The following SH2D4A variants were observed in gnomAD, a reference collection of about 807,000 sequenced individuals.
The protein encoded by SH2D4A is SH2 domain-containing protein 4A.
SH2D4A carries 70 observed loss-of-function variants against 64.7 expected under a neutral mutation model. The ratio of observed to expected loss-of-function variants is 1.08; its 90% CI spans 0.89 to 1.32. The LOEUF (loss-of-function observed/expected upper bound fraction) is 1.32. Ranked by LOEUF, SH2D4A falls within the 40% of genes most tolerant of loss-of-function variation. The pLI is 0.00. For synonymous variants in SH2D4A, 268 were observed against 200.7 expected (o/e 1.34, Z -2.83); for missense variants, 706 against 540.1 (o/e 1.31, Z -3.04).
chr8:19,352,827 T>C (rs111298937), intron 4 of SH2D4A, among the ~76,000 whole-genome samples: 187 of 152,130 alleles, frequency 1.2e-3, no homozygotes, highest in African/African-American at 4.0e-3. Flanking sequence ...GGCAATATAG[T>C]GAGACCTTGT....
chr8:19,339,495 C>CTTTTTTTTTTTTTTT (rs5889867), intron 4 of SH2D4A, among the ~76,000 whole-genome samples: 3 of 129,026 alleles, frequency 2.3e-5, no homozygotes, highest in Non-Finnish European at 1.6e-5. Flanking sequence ...TATAAACTTT[C>CTTTTTTTTTTTTTTT]TTTTTTTTTT....
At chr8:19,324,052 T>C (rs2052233008) in intron 2 of SH2D4A, among the ~76,000 whole-genome samples, 1 of 152,240 alleles carries the variant, frequency 6.6e-6, no homozygotes, top group Admixed American at 6.5e-5. Flanking sequence ...TGTCTGAAGC[T>C]ACCTTCACTG....
chr8:19,358,214 G>A (rs774716780), intron 5 of SH2D4A, among the ~76,000 whole-genome samples: 3 of 152,146 alleles, frequency 2.0e-5, no homozygotes, highest in Non-Finnish European at 1.5e-5. Context: ...ACAAAGGATC[G>A]TATATTCATC....
intron 4 of SH2D4A, among the ~76,000 whole-genome samples, chr8:19,338,904 C>G (rs13270053): frequency 1.3e-5 from 2 of 151,948 alleles, no homozygotes; most frequent in African/African-American, 4.8e-5. Flanking sequence ...ATAGGATAGA[C>G]GTATATATGA....
chr8:19,379,473 G>A (rs543408042), intron 8 of SH2D4A, among the ~76,000 whole-genome samples: 17 of 152,314 alleles, frequency 1.1e-4, no homozygotes, highest in African/African-American at 3.8e-4. Flanking sequence ...GTGCTGCTGA[G>A]AACACAGGTG....
Position 19,393,238 on chromosome 8 carries a change from A to G in SH2D4A, c.1049-80A>G. On this transcript the variant is annotated intron_variant, in intron 8 of 9. Transcript: ENST00000265807. ...CTTATTTAGGCGTCATTGACTCTAT[A>G]TCCATGCAGCTGGATTTAACAGAGG... The G allele has an allele frequency of 3.1e-6, 4 of 1,296,746 alleles. No homozygotes were observed. In the South Asian group the frequency reaches 3.6e-5, roughly 12 times the overall value. 80.3% of individuals were successfully genotyped at this position (1,296,746 alleles called of 1,614,324 possible).
At chr8:19,382,823 CTTT>C (rs1159245319) in intron 8 of SH2D4A, among the ~76,000 whole-genome samples, 105 of 64,614 alleles carry the variant, frequency 1.6e-3, no homozygotes, top group African/African-American at 5.4e-3. Flanking sequence ...TTTTAAGATT[CTTT>C]TTTTTTTTTT....
intron 4 of SH2D4A, among the ~76,000 whole-genome samples, chr8:19,346,312 C>T (rs565893666): frequency 3.5e-4 from 53 of 152,320 alleles, no homozygotes; most frequent in African/African-American, 1.3e-3. Flanking sequence ...CAGCATTACT[C>T]CCTGGGCCCC....
At chr8:19,361,047 A>G (rs1048161276) in intron 5 of SH2D4A, 156 bp from the exon 6 acceptor site, 3 of 483,050 alleles carry the variant, frequency 6.2e-6, no homozygotes, top group African/African-American at 2.0e-5. Flanking sequence ...TACTGACTCC[A>G]AAGTCCACAC....
At chr8:19,370,372 T>A (rs183380838) in intron 7 of SH2D4A, among the ~76,000 whole-genome samples, 7 of 152,176 alleles carry the variant, frequency 4.6e-5, no homozygotes, top group Admixed American at 3.3e-4. Context: ...ATTGCAGTCT[T>A]TCTATGTAGG....
chr8:19,373,182 A>T (rs1156563574), intron 7 of SH2D4A, among the ~76,000 whole-genome samples: 1 of 151,918 alleles, frequency 6.6e-6, no homozygotes, highest in African/African-American at 2.4e-5. Context: ...AGCACAAGTG[A>T]CAGATTTATA....
At chr8:19,317,471 G>A (rs140118805) in intron 1 of SH2D4A, among the ~76,000 whole-genome samples, 41 of 147,448 alleles carry the variant, frequency 2.8e-4, no homozygotes, top group African/African-American at 9.3e-4. Flanking sequence ...GAATGCTGCC[G>A]AGATGATAGG....
intron 7 of SH2D4A, among the ~76,000 whole-genome samples, chr8:19,364,723 A>G (rs2052961379): frequency 6.6e-6 from 1 of 152,180 alleles, no homozygotes; most frequent in Admixed American, 6.5e-5. Context: ...CTTTCGTGTG[A>G]TCAGTGGGAG....
chr8:19,381,046 G>GTTTT (rs869149766), intron 8 of SH2D4A, among the ~76,000 whole-genome samples: 1 of 143,502 alleles, frequency 7.0e-6, no homozygotes, highest in Non-Finnish European at 1.5e-5. Flanking sequence ...ATGTTTTGTA[G>GTTTT]TTTTTTTTTT....
chr8:19,363,845 C>G (rs550362820), intron 6 of SH2D4A: 12 of 547,678 alleles, frequency 2.2e-5, no homozygotes, highest in African/African-American at 1.9e-4. Flanking sequence ...CCTTTTCTCT[C>G]CCTCTCAGAA....
chr8:19,336,782 G>A (rs1272958729), intron 4 of SH2D4A, among the ~76,000 whole-genome samples: 2 of 152,066 alleles, frequency 1.3e-5, no homozygotes, highest in African/African-American at 2.4e-5. Flanking sequence ...CAGGAGGATC[G>A]ATTGAGCCCA....
At chr8:19,357,308 C>A in intron 5 of SH2D4A, 25 bp downstream of exon 5, 1 of 1,531,976 alleles carries the variant, frequency 6.5e-7, no homozygotes, top group Non-Finnish European at 9.0e-7. Flanking sequence ...TTCTGTCCTC[C>A]GGGGGCTGCA....
intron 7 of SH2D4A, among the ~76,000 whole-genome samples, chr8:19,365,109 A>T (rs138715360): frequency 3.3e-5 from 5 of 152,240 alleles, no homozygotes; most frequent in Non-Finnish European, 7.3e-5. Flanking sequence ...ATAATTTGAA[A>T]TACTTCTCTA....
At chr8:19,351,150 A>G (rs2052698052) in intron 4 of SH2D4A, among the ~76,000 whole-genome samples, 1 of 152,202 alleles carries the variant, frequency 6.6e-6, no homozygotes, top group South Asian at 2.1e-4. Flanking sequence ...GTATGCTCAG[A>G]AACTTAATAT....
Sources: allele counts gnomAD v4.1 joint callset (sites outside exome capture counted in the v4.1 genomes callset), GRCh38; gene constraint gnomAD v4.1.1; transcripts MANE v1.5; gene names NCBI Gene and HGNC (gene_info 2026-07-23, HGNC 2026-07-21).